ADARB1: variants seen among roughly 807,000 people sequenced by gnomAD.
The protein encoded by ADARB1 is double-stranded RNA-specific editase 1.
ADARB1 carries 10 observed loss-of-function variants against 52.4 expected under a neutral mutation model. The observed-to-expected ratio is 0.19, with a 90% CI of 0.12 to 0.32. ADARB1 has a LOEUF of 0.32. ADARB1 is among the 10% of genes least tolerant of loss of function. ADARB1 has a pLI of 1.00. For missense variants in ADARB1, 643 were observed against 922.3 expected, an observed-to-expected ratio of 0.70 and a Z score of 3.92; for synonymous variants, 349 against 371.1, an observed-to-expected ratio of 0.94 and a Z score of 0.68.
At chr21:45,188,487 A>G (rs1569141649) in intron 8 of ADARB1, among the ~76,000 whole-genome samples, 1 of 152,154 alleles carries the variant, frequency 6.6e-6, no homozygotes, top group Non-Finnish European at 1.5e-5. Flanking sequence ...ATTGTTTTTC[A>G]TATTCATTAT....
chr21:45,171,109 C>T (rs2091462924), intron 2 of ADARB1, among the ~76,000 whole-genome samples: 1 of 152,212 alleles, frequency 6.6e-6, no homozygotes, highest in Non-Finnish European at 1.5e-5. Flanking sequence ...AGATAGATGG[C>T]AAGTATGTGA....
chr21:45,075,690 C>T (rs2123585607), intron 1 of ADARB1, among the ~76,000 whole-genome samples: 1 of 152,254 alleles, frequency 6.6e-6, no homozygotes, highest in East Asian at 1.9e-4. Context: ...GTGTTGGAGT[C>T]CCGATTTACA....
At chr21:45,143,978 C>T (rs905100501) in intron 2 of ADARB1, among the ~76,000 whole-genome samples, 2 of 152,146 alleles carry the variant, frequency 1.3e-5, no homozygotes, top group African/African-American at 4.8e-5. Context: ...AGAACATAAG[C>T]TCCAGGAAAG....
At chr21:45,147,071 T>C (rs906033788) in intron 2 of ADARB1, among the ~76,000 whole-genome samples, 3 of 152,206 alleles carry the variant, frequency 2.0e-5, no homozygotes, top group Non-Finnish European at 4.4e-5. Context: ...TGACTAGGTC[T>C]TCTCAGCCAG....
At chr21:45,192,054 A>G (rs575929711) in intron 8 of ADARB1, among the ~76,000 whole-genome samples, 49 of 151,818 alleles carry the variant, frequency 3.2e-4, no homozygotes, top group Non-Finnish European at 5.3e-4. Flanking sequence ...CTAGAAATTT[A>G]TCTAGAATTT....
intron 1 of ADARB1, chr21:45,120,891 C>G (rs1450815340): frequency 3.3e-5 from 5 of 152,118 alleles, no homozygotes; most frequent in African/African-American, 1.2e-4. Context: ...TTAAAGAACC[C>G]TTGAATAGAA....
intron 2 of ADARB1, among the ~76,000 whole-genome samples, chr21:45,132,535 T>C (rs1226568160): frequency 1.3e-5 from 2 of 152,166 alleles, no homozygotes; most frequent in Non-Finnish European, 2.9e-5. Context: ...CCATAAGTTA[T>C]AGAACAGGGA....
At chr21:45,163,843 C>T (rs1000009578) in intron 2 of ADARB1, among the ~76,000 whole-genome samples, 2 of 152,168 alleles carry the variant, frequency 1.3e-5, no homozygotes, top group East Asian at 3.9e-4. Flanking sequence ...CACGCTTGTC[C>T]CCATGCTTGC....
intron 1 of ADARB1, among the ~76,000 whole-genome samples, chr21:45,097,746 G>A (rs2086827857): frequency 6.6e-6 from 1 of 152,082 alleles, no homozygotes; most frequent in African/African-American, 2.4e-5. Flanking sequence ...GCTGACTTGG[G>A]GGCACTCAAG....
chr21:45,107,861 C>T (rs1455099811), intron 1 of ADARB1, among the ~76,000 whole-genome samples: 3 of 152,024 alleles, frequency 2.0e-5, no homozygotes, highest in Non-Finnish European at 2.9e-5. Context: ...CAAAATACTG[C>T]GACCAGCCTG....
At position 45,148,612 on chromosome 21, in the gene ADARB1, T is replaced by C. The variant is rs143451147; in HGVS notation, c.-48+20039T>C. 6.0e-3 allele frequency among the ~76,000 whole-genome samples: 915 copies of C among 152,216 alleles called. 7 individuals carry two copies. The highest frequency in any genetic ancestry group is 9.3e-3 in the Admixed American group (143 of 15,300). On this transcript the variant is annotated intron_variant, in intron 2 of 10. Transcript: ENST00000348831. ...CTTGGAGGAGTCGGTTTGTGAAAAA[T>C]CAGGGCTCTGAGGGCACTGGAGCTG...
intron 1 of ADARB1, among the ~76,000 whole-genome samples, chr21:45,100,131 A>G (rs939743464): frequency 2.6e-5 from 4 of 152,240 alleles, no homozygotes; most frequent in African/African-American, 9.6e-5. Context: ...GGTCACTTTT[A>G]ACTTGTAAAA....
chr21:45,086,984 A>G (rs1444758287), intron 1 of ADARB1, among the ~76,000 whole-genome samples: 2 of 152,172 alleles, frequency 1.3e-5, no homozygotes, highest in Admixed American at 6.5e-5. Flanking sequence ...ATAGGATGAA[A>G]TATGGTTATA....
intron 9 of ADARB1, among the ~76,000 whole-genome samples, chr21:45,218,158 C>T (rs1404579538): frequency 6.6e-6 from 1 of 152,200 alleles, no homozygotes; most frequent in Non-Finnish European, 1.5e-5. Context: ...CCCCTTCTCT[C>T]TCCTCACCGT....
intron 2 of ADARB1, among the ~76,000 whole-genome samples, chr21:45,135,118 G>A (rs1034119318): frequency 6.6e-6 from 1 of 152,240 alleles, no homozygotes; most frequent in African/African-American, 2.4e-5. Context: ...ATAGAAATGG[G>A]CAGACCTGCT....
intron 1 of ADARB1, among the ~76,000 whole-genome samples, chr21:45,075,282 G>C (rs1049914720): frequency 6.6e-6 from 1 of 151,588 alleles, no homozygotes; most frequent in Admixed American, 6.6e-5. Flanking sequence ...GCCTGGGGAC[G>C]GTAGGCTATG....
At chr21:45,138,450 G>A (rs1177576029) in intron 2 of ADARB1, among the ~76,000 whole-genome samples, 2 of 152,158 alleles carry the variant, frequency 1.3e-5, no homozygotes, top group Non-Finnish European at 1.5e-5. Flanking sequence ...GGTGAGTATC[G>A]CTGCAGTACA....
chr21:45,171,076 A>T (rs2091460984), intron 2 of ADARB1, among the ~76,000 whole-genome samples: 2 of 152,206 alleles, frequency 1.3e-5, no homozygotes, highest in African/African-American at 4.8e-5. Context: ...TACAGCTGGA[A>T]GCCAAAAGTC....
At chr21:45,143,926 C>T (rs942924400) in intron 2 of ADARB1, among the ~76,000 whole-genome samples, 2 of 152,184 alleles carry the variant, frequency 1.3e-5, no homozygotes, top group South Asian at 2.1e-4. Flanking sequence ...CTTTTATGAC[C>T]CCCATTGTCC....
Sources: gnomAD v4.1 joint callset for allele counts (sites outside exome capture counted in the v4.1 genomes callset) on GRCh38, gnomAD v4.1.1 for gene constraint, MANE v1.5 for transcripts, NCBI Gene and HGNC (gene_info 2026-07-23, HGNC 2026-07-21) for gene names.